The following ONECUT3 variants were observed in gnomAD, a reference collection of about 807,000 sequenced individuals.
ONECUT3 encodes one cut homeobox 3, also known as one cut domain family member 3.
A neutral mutation model predicts 16.8 loss-of-function variants in ONECUT3; 11 were observed. The observed-to-expected ratio is 0.66, with a 90% CI of 0.41 to 1.09. ONECUT3 has a LOEUF of 1.09. ONECUT3 is among the 50% of genes least tolerant of loss of function. ONECUT3 has a pLI of 0.00. For missense variants in ONECUT3, 637 were observed against 629.9 expected (o/e 1.01, Z -0.12); for synonymous variants, 344 against 310.7 (o/e 1.11, Z -1.13).
At chr19:1,756,057 C>G (rs2067914714) in intron 1 of ONECUT3, among the ~76,000 whole-genome samples, 1 of 152,164 alleles carries the variant, frequency 6.6e-6, no homozygotes, top group African/African-American at 2.4e-5. Flanking sequence ...AGGCGCCCCA[C>G]TAGCAAAGAG....
chr19:1,768,871 G>A (rs1017962531), intron 1 of ONECUT3, among the ~76,000 whole-genome samples: 4 of 151,994 alleles, frequency 2.6e-5, no homozygotes, highest in Non-Finnish European at 5.9e-5. Context: ...AGGAGGTGGC[G>A]GAGGTAGAGG....
In ONECUT3 at chr19:1,754,892, C is replaced by G; in HGVS notation, c.1192+38C>G. 7.3e-7 allele frequency: 1 copy of G among 1,360,582 alleles called. No homozygotes were observed. The highest frequency in any genetic ancestry group is 9.6e-7 in the Non-Finnish European group (1 of 1,047,052). The allele number at this position is 1,360,582 out of a possible 1,614,324, so 84.3% of individuals were successfully genotyped here. On this transcript the variant is annotated intron_variant, in intron 1 of 1. Transcript: ENST00000382349. The surrounding 1 kb of genome is among the most constrained non-coding windows in gnomAD (Gnocchi z 7.4). ...CGCGCAGGGCCAGACCCTGGGGGCGCCGGCTCTGGACTCCCGAGCACCTAG... is the reference window on the plus strand; with the variant it reads ...CGCGCAGGGCCAGACCCTGGGGGCGGCGGCTCTGGACTCCCGAGCACCTAG...
At chr19:1,763,547 A>G (rs1276685729) in intron 1 of ONECUT3, among the ~76,000 whole-genome samples, 1 of 151,790 alleles carries the variant, frequency 6.6e-6, no homozygotes, top group Non-Finnish European at 1.5e-5. Context: ...CCCTGTCTCA[A>G]AAAATGATAA....
intron 1 of ONECUT3, 27 bp from the exon 2 acceptor site, chr19:1,775,126 G>GCCCCCCCCCCCCCCCCCCCCCC: frequency 1.7e-6 from 2 of 1,143,890 alleles, no homozygotes; most frequent in Non-Finnish European, 2.4e-6. Flanking sequence ...TGTCCCGCTC[G>GCCCCCCCCCCCCCCCCCCCCCC]CCCGCCCGCC....
intron 1 of ONECUT3, among the ~76,000 whole-genome samples, chr19:1,769,764 G>A (rs1259236652): frequency 6.6e-6 from 1 of 152,124 alleles, no homozygotes; most frequent in Non-Finnish European, 1.5e-5. Flanking sequence ...CGACTGGATC[G>A]ATCTGGGCTG....
At position 1,766,746 on chromosome 19, in the gene ONECUT3, C is replaced by T. The variant is rs990369091; in HGVS notation, c.1193-8407C>T. Among the ~76,000 whole-genome samples, 2 of 152,062 alleles carry T rather than the reference C, an allele frequency of 1.3e-5. No homozygotes were observed. Among genetic ancestry groups the T allele is most frequent in the African/African-American group, 4.8e-5 (2 of 41,398 alleles). Reference sequence around the variant, plus strand: ...GCACTCGGGGAGCCCCACTGTCCCACCCGGCGCTCCAGGGCAGTGGCTACT... The same window carrying T: ...GCACTCGGGGAGCCCCACTGTCCCATCCGGCGCTCCAGGGCAGTGGCTACT... On this transcript the variant is annotated intron_variant, in intron 1 of 1. Transcript: ENST00000382349. This position sits in a 1 kb window ranked among gnomAD's most constrained non-coding sequence, Gnocchi z 4.0.
chr19:1,768,539 A>G (rs1001850116), intron 1 of ONECUT3, among the ~76,000 whole-genome samples: 2 of 152,164 alleles, frequency 1.3e-5, no homozygotes, highest in African/African-American at 4.8e-5. Flanking sequence ...GTCCCAGAGC[A>G]AGCTTGACAG....
intron 1 of ONECUT3, among the ~76,000 whole-genome samples, chr19:1,756,205 C>T (rs547100165): frequency 2.4e-4 from 37 of 152,168 alleles, no homozygotes; most frequent in Non-Finnish European, 5.1e-4. Context: ...ACCAGACAAC[C>T]CCCTGGGAGC....
At chr19:1,768,175 A>C (rs1938710098) in intron 1 of ONECUT3, among the ~76,000 whole-genome samples, 1 of 151,800 alleles carries the variant, frequency 6.6e-6, no homozygotes. Context: ...TTGTAAAAAG[A>C]AGGGGTGTGG....
At position 1,754,214 on chromosome 19, in the gene ONECUT3, C is replaced by A; in HGVS notation, c.552C>A (p.Leu184=). 2 of 1,134,656 alleles carry A rather than the reference C, an allele frequency of 1.8e-6. No individual in the cohort carries two copies. The highest frequency in any genetic ancestry group is 2.3e-5 in the South Asian group (1 of 43,256). The allele number at this position is 1,134,656 out of a possible 1,614,324, so 70.3% of individuals were successfully genotyped here. A position where few individuals can be genotyped will look rare whatever the true frequency, so the allele number is the denominator to read the frequency against. The change falls in exon 1 of 2, where the codon CTC becomes CTA. Residue 184 remains leucine, a synonymous_variant. Coordinates refer to ENST00000382349, the MANE Select transcript of ONECUT3 (RefSeq NM_001080488.2). The surrounding 1 kb of genome is among the most constrained non-coding windows in gnomAD (Gnocchi z 7.4). Reference sequence around the variant, plus strand: ...CGGCGCTCGCCTCCGTGGGCCACCTCTACGGACCCTACGGCAAGGAGCTGC... The same window carrying A: ...CGGCGCTCGCCTCCGTGGGCCACCTATACGGACCCTACGGCAAGGAGCTGC... ...ERAALASVGH[L]YGPYGKELPA...
At chr19:1,768,571 C>A (rs930265413) in intron 1 of ONECUT3, among the ~76,000 whole-genome samples, 6 of 152,220 alleles carry the variant, frequency 3.9e-5, no homozygotes, top group Admixed American at 3.9e-4. Flanking sequence ...CCCACTCCTC[C>A]GCCAGCTTGG....
Position 1,766,187 on chromosome 19 carries a change from C to G in ONECUT3, c.1193-8966C>G, listed in dbSNP as rs575911744. 6.1e-4 allele frequency among the ~76,000 whole-genome samples: 93 copies of G among 152,214 alleles called. No individual in the cohort carries two copies. The highest frequency in any genetic ancestry group is 1.2e-3 in the Non-Finnish European group (80 of 68,032). ...TGAGCGCCCGTGCAGGCGCCACCCA[C>G]CCACCCACAGCACCTCGCTCAGACT... On this transcript the variant is annotated intron_variant, in intron 1 of 1. Coordinates refer to ENST00000382349, the MANE Select transcript of ONECUT3 (RefSeq NM_001080488.2). This position sits in a 1 kb window ranked among gnomAD's most constrained non-coding sequence, Gnocchi z 4.0.
Position 1,754,672 on chromosome 19 carries a change from A to G in ONECUT3, c.1010A>G (p.Tyr337Cys). The change falls in exon 1 of 2, where the codon TAC (tyrosine) becomes TGC (cysteine). Residue 337 changes from tyrosine (Y) to cysteine (C), a missense_variant. By Grantham distance (194) the Tyr-to-Cys change is radical. This residue lies in a region of ONECUT3 where 35 missense variants were observed against 63.8 expected (regional missense o/e 0.55). Coordinates refer to ENST00000382349, the MANE Select transcript of ONECUT3 (RefSeq NM_001080488.2). This position sits in a 1 kb window ranked among gnomAD's most constrained non-coding sequence, Gnocchi z 7.4. ...CGCATCACGGCGGAGCTGAAGCGCT[A>G]CAGCATCCCGCAGGCAATCTTCGCG... is the stretch of plus-strand genomic sequence containing the variant. ...AQRITAELKRYSIPQAIFAQR... is the reference protein window; with the variant it reads ...AQRITAELKRCSIPQAIFAQR... The G allele has an allele frequency of 1.3e-6, 2 of 1,527,794 alleles. No individual in the cohort carries two copies. Among genetic ancestry groups the G allele is most frequent in the East Asian group, 2.6e-5 (1 of 37,934 alleles). 94.6% of individuals were successfully genotyped at this position (1,527,794 alleles called of 1,614,324 possible).
chr19:1,756,471 C>T (rs1333254798), intron 1 of ONECUT3, among the ~76,000 whole-genome samples: 1 of 152,210 alleles, frequency 6.6e-6, no homozygotes, highest in Non-Finnish European at 1.5e-5. Flanking sequence ...TATCCGCACA[C>T]AGCCACGGCC....
At chr19:1,763,339 C>T (rs563416711) in intron 1 of ONECUT3, among the ~76,000 whole-genome samples, 7 of 120,672 alleles carry the variant, frequency 5.8e-5, no homozygotes, top group Non-Finnish European at 1.1e-4. Flanking sequence ...ACTCCGGCAG[C>T]CTGGGTGACA....
chr19:1,763,374 A>AAAAAAAAAAAAAC (rs1414694212), intron 1 of ONECUT3, among the ~76,000 whole-genome samples: 2 of 117,012 alleles, frequency 1.7e-5, no homozygotes, highest in Non-Finnish European at 3.3e-5. Flanking sequence ...CTCAAAAAAA[A>AAAAAAAAAAAAAC]AAAAAAAAAA....
In ONECUT3 at chr19:1,775,149, G is replaced by A. The variant is rs758882460; in HGVS notation, c.1193-4G>A. 3 of 933,210 alleles carry A rather than the reference G, an allele frequency of 3.2e-6. No homozygotes were observed. Among genetic ancestry groups the A allele is most frequent in the South Asian group, 1.8e-5 (1 of 55,206 alleles). 57.8% of individuals were successfully genotyped at this position (933,210 alleles called of 1,614,324 possible). A position where few individuals can be genotyped will look rare whatever the true frequency, so the allele number is the denominator to read the frequency against. On this transcript the variant is annotated splice_region_variant and splice_polypyrimidine_tract_variant and intron_variant, in intron 1 of 1. Coordinates refer to ENST00000382349, the MANE Select transcript of ONECUT3 (RefSeq NM_001080488.2). ...TCGCCCGCCCGCCCGCCGCTCGCCC[G>A]CAGCCTGCAAGCGCAAGGAACAGGA... is the stretch of plus-strand genomic sequence containing the variant.
rs1351279833 is a variant in ONECUT3 at position 1,754,545 on chromosome 19, G to T, written c.883G>T (p.Ala295Ser). The T allele has an allele frequency of 4.1e-6, 4 of 982,872 alleles. No homozygotes were observed. The highest frequency in any genetic ancestry group is 1.8e-5 in the African/African-American group (1 of 56,708). The allele number at this position is 982,872 out of a possible 1,614,324, so 60.9% of individuals were successfully genotyped here. A position where few individuals can be genotyped will look rare whatever the true frequency, so the allele number is the denominator to read the frequency against. ...APLGGLAAAG[A>S]HGPHGGGGGP... ...GCTGGGCGGGCTGGCGGCGGCCGGG[G>T]CGCACGGGCCGCACGGGGGAGGCGG... Residue 295 changes from alanine (A) to serine (S), a missense_variant, in exon 1 of 2, where the codon GCG becomes TCG. By Grantham distance (99) the Ala-to-Ser change is moderately conservative. Around this residue, in one of 3 missense-constraint regions of ONECUT3, gnomAD observed 419 missense variants for 377.9 expected, o/e 1.11. Transcript: ENST00000382349. The surrounding 1 kb of genome is among the most constrained non-coding windows in gnomAD (Gnocchi z 7.4).
rs2068098667 is a variant in ONECUT3 at position 1,775,500 on chromosome 19, C to T, written c.*55C>T. The stretch of plus-strand genomic sequence containing the variant: ...CCACGGCCTGGGCGCTGTGCCCCCA[C>T]GTCACCTCCCCACATCCTGCCGGCC... On this transcript the variant is annotated 3_prime_UTR_variant, in exon 2 of 2. Transcript: ENST00000382349. The T allele has an allele frequency of 1.4e-6, 2 of 1,409,424 alleles. No individual in the cohort carries two copies. The highest frequency in any genetic ancestry group is 1.8e-6 in the Non-Finnish European group (2 of 1,089,166). 87.3% of individuals were successfully genotyped at this position (1,409,424 alleles called of 1,614,324 possible). A position where few individuals can be genotyped will look rare whatever the true frequency, so the allele number is the denominator to read the frequency against.
Sources: gnomAD v4.1 joint callset for allele counts (sites outside exome capture counted in the v4.1 genomes callset) on GRCh38, gnomAD v4.1.1 for gene constraint, gnomAD v4.1.1 regional missense constraint, Gnocchi (gnomAD v3.1) non-coding constraint, MANE v1.5 for transcripts, NCBI Gene and HGNC (gene_info 2026-07-23, HGNC 2026-07-21) for gene names.